The following PIGK variants were observed in gnomAD, a reference collection of about 807,000 sequenced individuals.
PIGK encodes GPI-anchor transamidase.
Under a neutral mutation model 50.6 loss-of-function variants are expected in PIGK, and 42 were observed. The observed-to-expected ratio is 0.83, with a 90% CI of 0.65 to 1.07. The LOEUF (loss-of-function observed/expected upper bound fraction) is 1.07. Ranked by LOEUF, PIGK falls within the 50% of genes least tolerant of loss-of-function variation. The pLI is 0.00. For missense variants in PIGK, 448 were observed against 488.7 expected, an observed-to-expected ratio of 0.92 and a Z score of 0.78; for synonymous variants, 151 against 156.0, an observed-to-expected ratio of 0.97 and a Z score of 0.24.
chr1:77,103,805 T>C (rs1430959013), intron 10 of PIGK, among the ~76,000 whole-genome samples: 1 of 152,058 alleles, frequency 6.6e-6, no homozygotes, highest in Non-Finnish European at 1.5e-5. Flanking sequence ...GGAATCTACC[T>C]GCGTTTTTGG....
intron 5 of PIGK, among the ~76,000 whole-genome samples, chr1:77,164,850 A>G (rs745868324): frequency 6.6e-6 from 1 of 152,192 alleles, no homozygotes. Context: ...AATAGCCACA[A>G]TGATTTAGAA....
chr1:77,182,404 T>TA (rs1436622510), intron 3 of PIGK, among the ~76,000 whole-genome samples: 4 of 152,250 alleles, frequency 2.6e-5, no homozygotes, highest in African/African-American at 9.6e-5. Flanking sequence ...CCCACCCAGA[T>TA]TAAGGGTGGG....
At chr1:77,106,852 A>C (rs902405911) in intron 10 of PIGK, among the ~76,000 whole-genome samples, 3 of 152,062 alleles carry the variant, frequency 2.0e-5, no homozygotes, top group Non-Finnish European at 4.4e-5. Flanking sequence ...TACCCTTTAA[A>C]AGTAAACATT....
At chr1:77,093,484 G>A (rs1273553582) in intron 10 of PIGK, among the ~76,000 whole-genome samples, 4 of 152,086 alleles carry the variant, frequency 2.6e-5, no homozygotes, top group Admixed American at 2.6e-4. Context: ...GAAATAGTAA[G>A]CTAAAATTTG....
At chr1:77,195,527 G>A (rs1270915874) in intron 3 of PIGK, 1 of 504,270 alleles carries the variant, frequency 2.0e-6, no homozygotes, top group East Asian at 3.6e-5. Flanking sequence ...TCAAGAATAA[G>A]GCCTTACAGA....
At chr1:77,122,449 TA>T in intron 9 of PIGK, 90 bp from the exon 10 acceptor site, 1 of 710,698 alleles carries the variant, frequency 1.4e-6, no homozygotes. Flanking sequence ...TGAAATATAG[TA>T]AAATGCATAG....
intron 1 of PIGK, among the ~76,000 whole-genome samples, chr1:77,215,715 C>T (rs759847562): frequency 2.0e-5 from 3 of 152,004 alleles, no homozygotes; most frequent in South Asian, 2.1e-4. Flanking sequence ...TGTGTGTGTG[C>T]GTGCACACAC....
At chr1:77,168,143 C>G (rs1052662252) in intron 4 of PIGK, among the ~76,000 whole-genome samples, 1 of 152,070 alleles carries the variant, frequency 6.6e-6, no homozygotes. Context: ...ACACTTTAAA[C>G]GAGATTTTCC....
chr1:77,143,114 A>C (rs527761320), intron 9 of PIGK, among the ~76,000 whole-genome samples: 1 of 152,292 alleles, frequency 6.6e-6, no homozygotes, highest in Admixed American at 6.5e-5. Flanking sequence ...CTACAATCCT[A>C]AAGTGTTATT....
At chr1:77,103,530 C>T (rs1336167252) in intron 10 of PIGK, among the ~76,000 whole-genome samples, 3 of 152,184 alleles carry the variant, frequency 2.0e-5, no homozygotes, top group African/African-American at 7.2e-5. Context: ...CAATGGTTTT[C>T]AGACATTGGA....
chr1:77,146,648 T>A (rs763385363), intron 9 of PIGK, among the ~76,000 whole-genome samples: 1 of 151,936 alleles, frequency 6.6e-6, no homozygotes, highest in Non-Finnish European at 1.5e-5. Flanking sequence ...TACAAAAAAA[T>A]TAGCCAGGCA....
intron 3 of PIGK, among the ~76,000 whole-genome samples, chr1:77,176,439 AT>A (rs1292695910): frequency 6.6e-6 from 1 of 152,198 alleles, no homozygotes; most frequent in Non-Finnish European, 1.5e-5. Flanking sequence ...GATTTCTAAA[AT>A]TCTAATATGT....
intron 3 of PIGK, among the ~76,000 whole-genome samples, chr1:77,181,570 A>G (rs929388654): frequency 7.9e-5 from 12 of 152,302 alleles, no homozygotes; most frequent in African/African-American, 2.9e-4. Flanking sequence ...TTTAGCTACT[A>G]GAGCTAAGAT....
At chr1:77,202,808 C>T (rs1656199989) in intron 3 of PIGK, among the ~76,000 whole-genome samples, 1 of 152,092 alleles carries the variant, frequency 6.6e-6, no homozygotes, top group African/African-American at 2.4e-5. Flanking sequence ...TGTAGTAGAG[C>T]TAAATTGTAT....
chr1:77,170,056 G>A (rs1655326017), intron 3 of PIGK, among the ~76,000 whole-genome samples: 1 of 152,154 alleles, frequency 6.6e-6, no homozygotes, highest in African/African-American at 2.4e-5. Flanking sequence ...CTGGCATCCT[G>A]CTTCTACTCT....
chr1:77,104,359 A>G (rs189731732), intron 10 of PIGK, among the ~76,000 whole-genome samples: 17 of 152,284 alleles, frequency 1.1e-4, no homozygotes, highest in Admixed American at 1.0e-3. Context: ...ACATGAGGAG[A>G]GAAATAGAAT....
intron 3 of PIGK, chr1:77,195,532 T>C: frequency 2.2e-6 from 1 of 444,528 alleles, no homozygotes; most frequent in Non-Finnish European, 4.0e-6. Flanking sequence ...AATAAGGCCT[T>C]ACAGAGATTA....
intron 3 of PIGK, among the ~76,000 whole-genome samples, chr1:77,194,363 A>G (rs757026920): frequency 2.6e-5 from 4 of 152,160 alleles, no homozygotes; most frequent in African/African-American, 4.8e-5. Flanking sequence ...TTGCTGTTAT[A>G]TAAGGGATAT....
intron 9 of PIGK, among the ~76,000 whole-genome samples, chr1:77,138,977 C>T (rs535110550): frequency 2.0e-5 from 3 of 152,158 alleles, no homozygotes; most frequent in Admixed American, 6.5e-5. Context: ...GCAAGAGAAA[C>T]GTCCTCATTT....
Sources: allele counts gnomAD v4.1 joint callset (sites outside exome capture counted in the v4.1 genomes callset), GRCh38; gene constraint gnomAD v4.1.1; transcripts MANE v1.5; gene names NCBI Gene and HGNC (gene_info 2026-07-23, HGNC 2026-07-21).